ERC2: variants seen among roughly 807,000 people sequenced by gnomAD.
ERC2 encodes ERC protein 2.
A neutral mutation model predicts 114.8 loss-of-function variants in ERC2; 42 were observed. The ratio of observed to expected loss-of-function variants is 0.37; its 90% CI spans 0.29 to 0.47. The LOEUF is 0.47. Ranked by LOEUF, ERC2 falls within the 20% of genes least tolerant of loss-of-function variation. The pLI, the probability that ERC2 is intolerant of heterozygous loss-of-function variation, is 0.99. For missense variants in ERC2, 939 were observed against 1,150.7 expected (o/e 0.82, Z 2.66); for synonymous variants, 454 against 425.5 (o/e 1.07, Z -0.82).
chr3:55,868,775 AT>A (rs2062438867), intron 14 of ERC2, among the ~76,000 whole-genome samples: 1 of 152,192 alleles, frequency 6.6e-6, no homozygotes, highest in African/African-American at 2.4e-5. Context: ...AAGGTTTTAT[AT>A]TCTTTTTTAA....
chr3:56,429,909 C>T (rs946210146), intron 2 of ERC2, among the ~76,000 whole-genome samples: 2 of 152,166 alleles, frequency 1.3e-5, no homozygotes, highest in Non-Finnish European at 2.9e-5. Context: ...GGGTTCAGCT[C>T]CCTTAGACAG....
At chr3:55,928,229 C>T (rs949975922) in intron 13 of ERC2, among the ~76,000 whole-genome samples, 3 of 152,188 alleles carry the variant, frequency 2.0e-5, no homozygotes, top group Admixed American at 6.5e-5. Flanking sequence ...CTCCTACCAA[C>T]AGTGCGTAAG....
At chr3:55,966,630 G>C (rs371620614) in intron 12 of ERC2, among the ~76,000 whole-genome samples, 101 of 152,258 alleles carry the variant, frequency 6.6e-4, no homozygotes, top group African/African-American at 2.2e-3. Context: ...TCTAGCTAGA[G>C]GGAGGCAGTG....
intron 15 of ERC2, among the ~76,000 whole-genome samples, chr3:55,722,257 T>C (rs955050448): frequency 2.0e-5 from 3 of 151,960 alleles, no homozygotes; most frequent in Admixed American, 6.6e-5. Flanking sequence ...AATAATGTCA[T>C]CTAAACACTA....
At chr3:55,595,661 T>C (rs918392092) in intron 17 of ERC2, among the ~76,000 whole-genome samples, 1 of 152,260 alleles carries the variant, frequency 6.6e-6, no homozygotes, top group Non-Finnish European at 1.5e-5. Context: ...GTCAGTGTTT[T>C]ATGCAGTTTA....
At chr3:55,514,851 A>C (rs965081610) in intron 17 of ERC2, among the ~76,000 whole-genome samples, 4 of 152,218 alleles carry the variant, frequency 2.6e-5, no homozygotes, top group African/African-American at 9.6e-5. Flanking sequence ...CCTATGCACA[A>C]AACTGTAAGC....
At chr3:56,333,122 GCTAA>G (rs1319260205) in intron 2 of ERC2, among the ~76,000 whole-genome samples, 1 of 152,208 alleles carries the variant, frequency 6.6e-6, no homozygotes, top group Non-Finnish European at 1.5e-5. Context: ...GGACACTACG[GCTAA>G]CTGTCAGAGA....
chr3:56,441,974 T>C (rs1450251774), intron 1 of ERC2, among the ~76,000 whole-genome samples: 4 of 152,162 alleles, frequency 2.6e-5, no homozygotes, highest in Admixed American at 2.6e-4. Context: ...GGAGTTCAAG[T>C]CCAGCCTGGG....
intron 16 of ERC2, among the ~76,000 whole-genome samples, chr3:55,695,504 C>A (rs1479264741): frequency 6.6e-6 from 1 of 152,214 alleles, no homozygotes; most frequent in South Asian, 2.1e-4. Context: ...CTTCCCACCC[C>A]CTCAGTAATC....
At chr3:56,283,783 T>G (rs1174627312) in intron 3 of ERC2, among the ~76,000 whole-genome samples, 1 of 152,212 alleles carries the variant, frequency 6.6e-6, no homozygotes, top group African/African-American at 2.4e-5. Flanking sequence ...GAAATATTTT[T>G]AAGGCTGGAC....
chr3:55,607,725 G>A (rs2058706471), intron 17 of ERC2: 1 of 152,018 alleles, frequency 6.6e-6, no homozygotes, highest in East Asian at 1.9e-4. Flanking sequence ...CCAGCATCGG[G>A]GTAAGGGAGA....
chr3:55,714,902 A>G (rs2064022339), intron 15 of ERC2, among the ~76,000 whole-genome samples: 1 of 151,842 alleles, frequency 6.6e-6, no homozygotes, highest in South Asian at 2.1e-4. Flanking sequence ...GATATAAATT[A>G]CATCTCATAT....
chr3:56,458,063 G>T (rs1417813925), intron 1 of ERC2, among the ~76,000 whole-genome samples: 1 of 152,172 alleles, frequency 6.6e-6, no homozygotes, highest in Non-Finnish European at 1.5e-5. Flanking sequence ...CCCAGAAGAA[G>T]ACTGGCACAA....
intron 3 of ERC2, among the ~76,000 whole-genome samples, chr3:56,258,800 G>C (rs551112199): frequency 1.3e-5 from 2 of 152,294 alleles, no homozygotes; most frequent in East Asian, 3.9e-4. Flanking sequence ...TGGAGAAGCA[G>C]CATGTATCAT....
chr3:55,723,259 T>C (rs917037869), intron 15 of ERC2, among the ~76,000 whole-genome samples: 3 of 152,186 alleles, frequency 2.0e-5, no homozygotes, highest in African/African-American at 7.2e-5. Context: ...CAATGGAATG[T>C]AGGAAACTAT....
chr3:56,331,956 T>C (rs539371840), intron 2 of ERC2, among the ~76,000 whole-genome samples: 2 of 152,154 alleles, frequency 1.3e-5, no homozygotes, highest in Non-Finnish European at 2.9e-5. Flanking sequence ...AAACCCAGAT[T>C]ATGTAAGGCC....
At chr3:56,153,185 C>T (rs1437766946) in intron 4 of ERC2, among the ~76,000 whole-genome samples, 2 of 152,104 alleles carry the variant, frequency 1.3e-5, no homozygotes, top group African/African-American at 4.8e-5. Context: ...ATACATAGGG[C>T]ACCTATTGGG....
chr3:55,517,481 C>G (rs988055588), intron 17 of ERC2, among the ~76,000 whole-genome samples: 1 of 148,676 alleles, frequency 6.7e-6, no homozygotes, highest in African/African-American at 2.5e-5. Flanking sequence ...TTATCAAAAA[C>G]CTAAATGTTT....
At chr3:56,240,893 G>A (rs576608273) in intron 3 of ERC2, among the ~76,000 whole-genome samples, 121 of 152,264 alleles carry the variant, frequency 7.9e-4, no homozygotes, top group Middle Eastern at 3.4e-3. Flanking sequence ...GTGTGATGCT[G>A]AGGTTTGGGT....
Sources: allele counts gnomAD v4.1 joint callset (sites outside exome capture counted in the v4.1 genomes callset), GRCh38; gene constraint gnomAD v4.1.1; transcripts MANE v1.5; gene names NCBI Gene and HGNC (gene_info 2026-07-23, HGNC 2026-07-21).